The following NFYA variants were observed in gnomAD, a reference collection of about 807,000 sequenced individuals.
The protein encoded by NFYA is nuclear transcription factor Y subunit alpha, also known as CAAT-box DNA binding protein subunit A.
In NFYA, 28 loss-of-function variants were observed where a neutral mutation model predicts 52.8. The ratio of observed to expected loss-of-function variants is 0.53; its 90% CI spans 0.39 to 0.73. The LOEUF is 0.73. Ranked by LOEUF, NFYA falls within the 30% of genes least tolerant of loss-of-function variation. The pLI, the probability that NFYA is intolerant of heterozygous loss-of-function variation, is 0.00. For synonymous variants in NFYA, 150 were observed against 150.7 expected (o/e 1.00, Z 0.03); for missense variants, 234 against 427.0 (o/e 0.55, Z 3.98).
Position 41,102,099 on chromosome 6 carries a change from A to G in NFYA, c.*4689A>G, listed in dbSNP as rs538116653. Reference sequence around the variant, plus strand: ...GGCCCATATCTTCAGTTATTACATTAGTGACATCGTGGAGCGTGAGTGATC... The same window carrying G: ...GGCCCATATCTTCAGTTATTACATTGGTGACATCGTGGAGCGTGAGTGATC... On this transcript the variant is annotated 3_prime_UTR_variant, in exon 10 of 10. Coordinates refer to ENST00000341376, the MANE Select transcript of NFYA (RefSeq NM_002505.5). 6.6e-6 allele frequency: 1 copy of G among 152,348 alleles called. No homozygotes were observed. Among genetic ancestry groups the G allele is most frequent in the South Asian group, 2.1e-4 (1 of 4,828 alleles). 9.4% of individuals were successfully genotyped at this position (152,348 alleles called of 1,614,324 possible).
At position 41,099,239 on chromosome 6, in the gene NFYA, G is replaced by A. The variant is rs979090043; in HGVS notation, c.*1829G>A. 6.6e-6 allele frequency: 1 copy of A among 152,178 alleles called. No homozygotes were observed. The highest frequency in any genetic ancestry group is 2.4e-5 in the African/African-American group (1 of 41,456). 9.4% of individuals were successfully genotyped at this position (152,178 alleles called of 1,614,324 possible). A position where few individuals can be genotyped will look rare whatever the true frequency, so the allele number is the denominator to read the frequency against. ...TTGGGATATTAATGTTATTCAGTAA[G>A]TCCCAAGTTTTTCAGAGAATAGATT... On this transcript the variant is annotated 3_prime_UTR_variant, in exon 10 of 10. Transcript: ENST00000341376.
intron 9 of NFYA, among the ~76,000 whole-genome samples, chr6:41,095,880 G>T (rs1214001254): frequency 6.6e-6 from 1 of 152,164 alleles, no homozygotes; most frequent in Non-Finnish European, 1.5e-5. Context: ...TTGTATTTAA[G>T]TACTGACTTA....
chr6:41,080,641 T>C (rs947664976), intron 2 of NFYA, among the ~76,000 whole-genome samples, 170 bp from the exon 3 acceptor site: 2 of 152,272 alleles, frequency 1.3e-5, no homozygotes, highest in African/African-American at 2.4e-5. Flanking sequence ...AAAGGGCTAA[T>C]ATCTTTAATC....
chr6:41,089,824 A>G, intron 5 of NFYA, 114 bp downstream of exon 5: 1 of 1,443,886 alleles, frequency 6.9e-7, no homozygotes, highest in Non-Finnish European at 9.3e-7. Flanking sequence ...AAAACCATAA[A>G]AAAATATATT....
chr6:41,086,916 GAAAA>G (rs1311323185), intron 4 of NFYA, among the ~76,000 whole-genome samples: 1 of 151,992 alleles, frequency 6.6e-6, no homozygotes, highest in African/African-American at 2.4e-5. Flanking sequence ...AAATTCAAAA[GAAAA>G]TATAAGAATT....
rs1491472085 is a variant in NFYA, at chr6:41,080,157, TTA to T, written c.76-653_76-652del. On this transcript the variant is annotated intron_variant, in intron 2 of 9. Transcript: ENST00000341376. ...GCAGTCCAGTTGGGTAGAAATAATCTTAGTTTTGAAGCTGGGCATGGTGCTGC... is the reference window on the plus strand; with the variant it reads ...GCAGTCCAGTTGGGTAGAAATAATCTGTTTTGAAGCTGGGCATGGTGCTGC... Among the ~76,000 whole-genome samples, 20 of 152,314 alleles carry T rather than the reference TTA, an allele frequency of 1.3e-4. 1 individual carries two copies. Among genetic ancestry groups the T allele is most frequent in the East Asian group, 3.9e-4 (2 of 5,190 alleles).
chr6:41,082,690 G>C (rs2113798241), intron 3 of NFYA, among the ~76,000 whole-genome samples: 1 of 152,258 alleles, frequency 6.6e-6, no homozygotes, highest in South Asian at 2.1e-4. Context: ...ATTTTAAATA[G>C]TTATTTTGGT....
intron 9 of NFYA, among the ~76,000 whole-genome samples, chr6:41,095,916 A>G (rs1764341362): frequency 6.6e-6 from 1 of 152,210 alleles, no homozygotes; most frequent in Non-Finnish European, 1.5e-5. Context: ...TTTAGTATCC[A>G]GTTCTGAACC....
intron 2 of NFYA, among the ~76,000 whole-genome samples, chr6:41,079,798 C>T (rs548296144): frequency 6.6e-6 from 1 of 152,136 alleles, no homozygotes; most frequent in Non-Finnish European, 1.5e-5. Context: ...TATTATGTTT[C>T]TATTTGACCT....
intron 6 of NFYA, 69 bp downstream of exon 6, chr6:41,090,378 C>A: frequency 1.1e-6 from 1 of 892,374 alleles, no homozygotes; most frequent in Non-Finnish European, 1.8e-6. Context: ...CAACTGACAT[C>A]TTTAGAATTT....
chr6:41,091,397 C>A, intron 6 of NFYA, 131 bp from the exon 7 acceptor site: 1 of 804,994 alleles, frequency 1.2e-6, no homozygotes, highest in Non-Finnish European at 1.9e-6. Flanking sequence ...ACTTTTTCTC[C>A]CCTTGTGTTT....
At chr6:41,092,799 T>A in intron 7 of NFYA, 113 bp from the exon 8 acceptor site, 2 of 1,092,124 alleles carry the variant, frequency 1.8e-6, no homozygotes, top group Non-Finnish European at 2.6e-6. Context: ...AAGTACCCTA[T>A]AAAAATTACT....
intron 1 of NFYA, among the ~76,000 whole-genome samples, chr6:41,073,895 C>T (rs1395993402): frequency 6.6e-6 from 1 of 151,686 alleles, no homozygotes; most frequent in South Asian, 2.1e-4. Context: ...CAGGACCGCA[C>T]ACCTCCGTCT....
chr6:41,086,516 A>G (rs193102970), intron 4 of NFYA, among the ~76,000 whole-genome samples: 11 of 149,736 alleles, frequency 7.3e-5, no homozygotes, highest in Admixed American at 4.0e-4. Flanking sequence ...TCCCCTTTGT[A>G]TAGGAGTTTT....
At chr6:41,083,657 CA>C (rs1763967614) in intron 3 of NFYA, among the ~76,000 whole-genome samples, 1 of 152,226 alleles carries the variant, frequency 6.6e-6, no homozygotes, top group African/African-American at 2.4e-5. Context: ...TCACCACCAT[CA>C]CCTTTCCCTC....
chr6:41,074,120 TTG>T (rs1460066770), intron 1 of NFYA, among the ~76,000 whole-genome samples: 1 of 152,238 alleles, frequency 6.6e-6, no homozygotes, highest in African/African-American at 2.4e-5. Flanking sequence ...TTTTTTCCCT[TTG>T]TTTTTGCCTT....
intron 3 of NFYA, 126 bp from the exon 4 acceptor site, chr6:41,083,919 AT>A: frequency 1.1e-6 from 1 of 884,608 alleles, no homozygotes; most frequent in South Asian, 2.1e-5. Context: ...TGAGACATAT[AT>A]TTTCTTAGTC....
chr6:41,078,555 CT>C (rs1188162254), intron 1 of NFYA, among the ~76,000 whole-genome samples: 1 of 152,006 alleles, frequency 6.6e-6, no homozygotes, highest in African/African-American at 2.4e-5. Flanking sequence ...TAATTGTATC[CT>C]TATTTTTAAA....
intron 1 of NFYA, among the ~76,000 whole-genome samples, chr6:41,074,710 A>G (rs1443267321): frequency 1.3e-5 from 2 of 152,220 alleles, no homozygotes; most frequent in Non-Finnish European, 1.5e-5. Context: ...TTGCTAAGGA[A>G]TATTTTGGAA....
Sources: allele counts gnomAD v4.1 joint callset (sites outside exome capture counted in the v4.1 genomes callset), GRCh38; gene constraint gnomAD v4.1.1; transcripts MANE v1.5; gene names NCBI Gene and HGNC (gene_info 2026-07-23, HGNC 2026-07-21).